Variants in BLK observed in about 807,000 individuals in gnomAD.
The protein encoded by BLK is BLK proto-oncogene, Src family tyrosine kinase.
A neutral mutation model predicts 61.8 loss-of-function variants in BLK; 64 were observed. The observed-to-expected ratio is 1.03, with a 90% confidence interval of 0.85 to 1.27. BLK has a LOEUF of 1.27. Ranked by LOEUF, BLK falls within the 50% of genes most tolerant of loss-of-function variation. The pLI, the probability that BLK is intolerant of heterozygous loss-of-function variation, is 0.00. For synonymous variants in BLK, 351 were observed against 272.0 expected (o/e 1.29, Z -2.86); for missense variants, 853 against 660.5 (o/e 1.29, Z -3.19).
Position 11,504,340 on chromosome 8 carries a change from G to A in BLK, c.-2+9749G>A, listed in dbSNP as rs564672309. ...TCCATCTCAAAATAAAGAAAGGAAG[G>A]GAGGAAGGAAGGAAGGAAGGAAGGA... On this transcript the variant is annotated intron_variant, in intron 1 of 12. Coordinates refer to ENST00000259089, the MANE Select transcript of BLK (RefSeq NM_001715.3). Among the ~76,000 whole-genome samples, 14 of 108,310 alleles carry A rather than the reference G, an allele frequency of 1.3e-4. No homozygotes were observed. The South Asian group carries it at 3.5e-3, about 27-fold the overall frequency. The allele number at this position is 108,310 out of a possible 152,430, so 71.1% of individuals were successfully genotyped here. A position where few individuals can be genotyped will look rare whatever the true frequency, so the allele number is the denominator to read the frequency against.
intron 1 of BLK, among the ~76,000 whole-genome samples, chr8:11,514,992 C>T (rs1799166077): frequency 6.6e-6 from 1 of 152,154 alleles, no homozygotes; most frequent in African/African-American, 2.4e-5. Flanking sequence ...ATGACTTTCA[C>T]CTCTTCTGGA....
intron 1 of BLK, among the ~76,000 whole-genome samples, chr8:11,507,842 C>T (rs954155880): frequency 2.6e-5 from 4 of 152,150 alleles, no homozygotes; most frequent in Admixed American, 6.5e-5. Flanking sequence ...GTTTTCTCCC[C>T]GAGCCAGCAT....
intron 1 of BLK, among the ~76,000 whole-genome samples, chr8:11,538,333 G>A (rs1243015847): frequency 1.3e-5 from 2 of 152,186 alleles, no homozygotes; most frequent in Non-Finnish European, 2.9e-5. Flanking sequence ...ACTGCTGGGT[G>A]CAGCCCGAGC....
chr8:11,522,752 C>G (rs1168599695), intron 1 of BLK, among the ~76,000 whole-genome samples: 2 of 145,798 alleles, frequency 1.4e-5, no homozygotes, highest in African/African-American at 5.0e-5. Flanking sequence ...AAAAAAAAAG[C>G]AAGTTGCAAA....
At chr8:11,517,522 A>G (rs1179117835) in intron 1 of BLK, among the ~76,000 whole-genome samples, 2 of 152,172 alleles carry the variant, frequency 1.3e-5, no homozygotes, top group Non-Finnish European at 2.9e-5. Flanking sequence ...TGGATGTTCC[A>G]GATGTTTTCA....
At chr8:11,523,651 A>G (rs1046194383) in intron 1 of BLK, among the ~76,000 whole-genome samples, 4 of 152,256 alleles carry the variant, frequency 2.6e-5, no homozygotes, top group Non-Finnish European at 5.9e-5. Context: ...CATATTTATC[A>G]CATAAAGAGG....
At chr8:11,525,884 A>G (rs937989916) in intron 1 of BLK, among the ~76,000 whole-genome samples, 1 of 152,144 alleles carries the variant, frequency 6.6e-6, no homozygotes, top group African/African-American at 2.4e-5. Context: ...AGCTGGAATT[A>G]CAGGCACCCA....
chr8:11,556,896 G>T, intron 9 of BLK, 59 bp downstream of exon 9: 1 of 1,574,396 alleles, frequency 6.4e-7, no homozygotes, highest in South Asian at 1.1e-5. Flanking sequence ...GGCTTAGCAG[G>T]AGGAGGAGGG....
At chr8:11,561,254 G>T in intron 10 of BLK, 48 bp from the exon 11 acceptor site, 1 of 1,594,318 alleles carries the variant, frequency 6.3e-7, no homozygotes, top group Non-Finnish European at 8.5e-7. Flanking sequence ...GCTCGGTCTT[G>T]GCGTGGAGGC....
At chr8:11,507,259 A>C (rs1798809991) in intron 1 of BLK, among the ~76,000 whole-genome samples, 3 of 152,366 alleles carry the variant, frequency 2.0e-5, no homozygotes, top group Admixed American at 1.3e-4. Context: ...ACAACTAGTT[A>C]GAATTGGAAG....
At chr8:11,562,679 G>A (rs765299790) in intron 11 of BLK, among the ~76,000 whole-genome samples, 29 of 152,258 alleles carry the variant, frequency 1.9e-4, no homozygotes, top group Non-Finnish European at 1.2e-4. Flanking sequence ...TCCATCCCAG[G>A]TGGAAACGTG....
chr8:11,512,454 A>G (rs1294459918), intron 1 of BLK, among the ~76,000 whole-genome samples: 1 of 152,240 alleles, frequency 6.6e-6, no homozygotes, highest in East Asian at 1.9e-4. Flanking sequence ...TGAAAGCCCA[A>G]CAGTTCTAAT....
intron 1 of BLK, among the ~76,000 whole-genome samples, chr8:11,502,583 C>T (rs1315171693): frequency 2.0e-5 from 3 of 152,168 alleles, no homozygotes; most frequent in Admixed American, 6.5e-5. Flanking sequence ...CCACCACGCC[C>T]GGCCCGTATA....
At chr8:11,505,983 C>T (rs561502885) in intron 1 of BLK, among the ~76,000 whole-genome samples, 7 of 152,350 alleles carry the variant, frequency 4.6e-5, no homozygotes, top group Middle Eastern at 3.4e-3. Context: ...ATCTTCCTCT[C>T]GCCCTGCTCC....
chr8:11,547,528 C>G (rs1800700892), intron 3 of BLK, among the ~76,000 whole-genome samples: 1 of 152,210 alleles, frequency 6.6e-6, no homozygotes, highest in Non-Finnish European at 1.5e-5. Context: ...CAGCCATAGA[C>G]AGTGTGGCTG....
chr8:11,521,529 G>A (rs76835306), intron 1 of BLK, among the ~76,000 whole-genome samples: 1 of 152,210 alleles, frequency 6.6e-6, no homozygotes, highest in Non-Finnish European at 1.5e-5. Context: ...GGGCTTAAGT[G>A]GTACGCCCAC....
In BLK at chr8:11,561,432, G is replaced by A; in HGVS notation, c.1160G>A (p.Ser387Asn). The change falls in exon 11 of 13, where the codon AGT becomes AAT. Residue 387 changes from serine (S) to asparagine (N), a missense_variant. Physicochemically the swap from Ser to Asn is conservative, Grantham distance 46 (BLOSUM62 1). Coordinates refer to ENST00000259089, the MANE Select transcript of BLK (RefSeq NM_001715.3). ...ADFGLARIID[S>N]EYTAQEGAKF... ...TTTGGCTTGGCTCGAATCATCGACA[G>A]TGAATACACGGCCCAAGAGGGTAAG... 6.2e-7 allele frequency: 1 copy of A among 1,614,022 alleles called. No homozygotes were observed.
At chr8:11,535,460 T>C (rs1410485810) in intron 1 of BLK, among the ~76,000 whole-genome samples, 1 of 152,224 alleles carries the variant, frequency 6.6e-6, no homozygotes, top group Non-Finnish European at 1.5e-5. Context: ...GTTTTCTATC[T>C]TCATGTGTTT....
chr8:11,518,316 G>A (rs1359235780), intron 1 of BLK, among the ~76,000 whole-genome samples: 4 of 152,282 alleles, frequency 2.6e-5, no homozygotes, highest in Admixed American at 2.0e-4. Flanking sequence ...GAGTGAATAC[G>A]CACTTTCGTG....
Sources: gnomAD v4.1 joint callset for allele counts (sites outside exome capture counted in the v4.1 genomes callset) on GRCh38, gnomAD v4.1.1 for gene constraint, MANE v1.5 for transcripts, NCBI Gene and HGNC (gene_info 2026-07-23, HGNC 2026-07-21) for gene names.